FRMD3: variants seen among roughly 807,000 people sequenced by gnomAD.
The protein encoded by FRMD3 is FERM domain containing 3, also known as FERM domain-containing protein 3.
In FRMD3, 33 loss-of-function variants were observed where a neutral mutation model predicts 70.2. The ratio of observed to expected loss-of-function variants is 0.47; its 90% CI spans 0.36 to 0.63. The LOEUF (loss-of-function observed/expected upper bound fraction) is 0.63, where lower values mean the gene tolerates loss of function less well. Among genes scored for constraint, FRMD3 ranks in the 20% least tolerant of loss-of-function variants. The probability of loss-of-function intolerance (pLI) is 0.00; values close to 1 mark genes in which losing one functional copy is unlikely to be tolerated. For missense variants in FRMD3, 632 were observed against 711.4 expected, an observed-to-expected ratio of 0.89 and a Z score of 1.27; for synonymous variants, 279 against 255.9, an observed-to-expected ratio of 1.09 and a Z score of -0.86.
intron 5 of FRMD3, among the ~76,000 whole-genome samples, chr9:83,336,736 T>C: frequency 6.9e-6 from 1 of 145,116 alleles, no homozygotes; most frequent in South Asian, 2.3e-4. Flanking sequence ...CCTTAAAAAC[T>C]GAGTTCCCAG....
chr9:83,366,452 A>T (rs1435754943), intron 3 of FRMD3, among the ~76,000 whole-genome samples: 4 of 152,136 alleles, frequency 2.6e-5, no homozygotes, highest in Non-Finnish European at 5.9e-5. Context: ...AGGTGCCTGT[A>T]ATCCCAGCTA....
chr9:83,301,994 A>C (rs1019825285), intron 10 of FRMD3, among the ~76,000 whole-genome samples: 8 of 152,214 alleles, frequency 5.3e-5, no homozygotes, highest in Admixed American at 3.3e-4. Flanking sequence ...CCAAATGTCC[A>C]GGTGAACTCC....
At chr9:83,311,359 C>T (rs1207378300) in intron 8 of FRMD3, among the ~76,000 whole-genome samples, 1 of 151,960 alleles carries the variant, frequency 6.6e-6, no homozygotes, top group Non-Finnish European at 1.5e-5. Flanking sequence ...AGTTAACAGA[C>T]CAGGGAACTG....
intron 6 of FRMD3, among the ~76,000 whole-genome samples, chr9:83,332,970 C>G (rs1823440575): frequency 6.6e-6 from 1 of 152,168 alleles, no homozygotes. Context: ...AGGCCCAATT[C>G]CTTACACAAG....
At chr9:83,276,721 C>A (rs1198335745) in intron 13 of FRMD3, among the ~76,000 whole-genome samples, 1 of 152,208 alleles carries the variant, frequency 6.6e-6, no homozygotes, top group Admixed American at 6.5e-5. Flanking sequence ...TATATGTATA[C>A]ATACTGAGAC....
chr9:83,488,729 A>G (rs936308445), intron 1 of FRMD3, among the ~76,000 whole-genome samples: 17 of 152,132 alleles, frequency 1.1e-4, no homozygotes, highest in Admixed American at 7.9e-4. Flanking sequence ...TCATTGACAA[A>G]TCTCCTTCCA....
At chr9:83,367,638 T>C (rs571894980) in intron 3 of FRMD3, among the ~76,000 whole-genome samples, 115 of 152,296 alleles carry the variant, frequency 7.6e-4, no homozygotes, top group African/African-American at 2.7e-3. Context: ...TAATTAAGGC[T>C]TGAGGAATAG....
At chr9:83,338,389 C>A (rs76421780) in intron 5 of FRMD3, among the ~76,000 whole-genome samples, 1 of 151,996 alleles carries the variant, frequency 6.6e-6, no homozygotes, top group Non-Finnish European at 1.5e-5. Flanking sequence ...CCTAGAAAAA[C>A]TCTAGGTGCA....
chr9:83,351,095 T>C (rs1824139598), intron 3 of FRMD3: 2 of 454,168 alleles, frequency 4.4e-6, no homozygotes, highest in East Asian at 3.1e-4. Context: ...CAAATTCATC[T>C]TTCAAGATAC....
chr9:83,460,331 A>C (rs545336538), intron 1 of FRMD3, among the ~76,000 whole-genome samples: 38 of 152,296 alleles, frequency 2.5e-4, no homozygotes, highest in African/African-American at 7.7e-4. Flanking sequence ...GTTCTCTGCC[A>C]ATCTAATACT....
At chr9:83,361,608 C>T (rs1824587154) in intron 3 of FRMD3, among the ~76,000 whole-genome samples, 1 of 152,096 alleles carries the variant, frequency 6.6e-6, no homozygotes. Flanking sequence ...GCTGAGAGTA[C>T]TGGAGATCTA....
intron 5 of FRMD3, among the ~76,000 whole-genome samples, chr9:83,339,402 C>A (rs1255448171): frequency 6.6e-6 from 1 of 152,162 alleles, no homozygotes; most frequent in Non-Finnish European, 1.5e-5. Context: ...GAAGTCGTGA[C>A]AAATGACATA....
rs1025435778 is a variant in FRMD3 at position 83,378,920 on chromosome 9, G to A, written c.253-5965C>T. Among the ~76,000 whole-genome samples, 11 of 123,802 alleles carry A rather than the reference G, an allele frequency of 8.9e-5. No individual in the cohort carries two copies. In the East Asian group the frequency reaches 2.3e-3, roughly 26 times the overall value. The allele number at this position is 123,802 out of a possible 152,430, so 81.2% of individuals were successfully genotyped here. Reference sequence around the variant, plus strand: ...ATATATATATTTTAGTACAGATGGGGTTTCACTATGTAGGCCAGGCTGGTC... The same window carrying A: ...ATATATATATTTTAGTACAGATGGGATTTCACTATGTAGGCCAGGCTGGTC... On this transcript the variant is annotated intron_variant, in intron 2 of 13. Transcript: ENST00000304195.
At chr9:83,250,432 T>C (rs1015316819) in intron 13 of FRMD3, among the ~76,000 whole-genome samples, 1 of 152,134 alleles carries the variant, frequency 6.6e-6, no homozygotes, top group African/African-American at 2.4e-5. Flanking sequence ...CCAGGATCCC[T>C]GGCAAGGCAG....
chr9:83,400,918 T>C (rs748275732), intron 1 of FRMD3, among the ~76,000 whole-genome samples: 1 of 152,216 alleles, frequency 6.6e-6, no homozygotes, highest in Non-Finnish European at 1.5e-5. Flanking sequence ...TTTTTCTTAG[T>C]ATAGTCTGTG....
At chr9:83,301,879 CTG>C (rs1834942485) in intron 10 of FRMD3, among the ~76,000 whole-genome samples, 2 of 152,258 alleles carry the variant, frequency 1.3e-5, no homozygotes, top group Non-Finnish European at 2.9e-5. Context: ...AGAGAAAAGA[CTG>C]TGCGTCTTTC....
intron 6 of FRMD3, among the ~76,000 whole-genome samples, chr9:83,327,481 C>T (rs948483378): frequency 1.3e-5 from 2 of 152,148 alleles, no homozygotes; most frequent in Admixed American, 1.3e-4. Context: ...ATCCCTGGCT[C>T]TCTGGACTTT....
chr9:83,419,601 CGT>C (rs764800091), intron 1 of FRMD3, among the ~76,000 whole-genome samples: 1 of 146,570 alleles, frequency 6.8e-6, no homozygotes, highest in Non-Finnish European at 1.5e-5. Context: ...ATGTGTGCTG[CGT>C]GTGTGATATG....
chr9:83,248,183 C>G lies in FRMD3; in HGVS notation c.1529G>C (p.Trp510Ser). 6.2e-7 allele frequency: 1 copy of G among 1,614,198 alleles called. No homozygotes were observed. The highest frequency in any genetic ancestry group is 8.5e-7 in the Non-Finnish European group (1 of 1,180,036). ...ELKEARRALS[W>S]SYDILTGHIR... The stretch of plus-strand genomic sequence containing the variant: ...ATGGCCAGTCAGAATGTCATAGCTC[C>G]ACGACAAAGCACGGCGAGCCTCCTT... Residue 510 changes from tryptophan (W) to serine (S), a missense_variant, in exon 14 of 14, where the codon TGG (tryptophan) becomes TCG (serine). Coordinates refer to ENST00000304195, the MANE Select transcript of FRMD3 (RefSeq NM_174938.6).
Sources: gnomAD v4.1 joint callset for allele counts (sites outside exome capture counted in the v4.1 genomes callset) on GRCh38, gnomAD v4.1.1 for gene constraint, MANE v1.5 for transcripts, NCBI Gene and HGNC (gene_info 2026-07-23, HGNC 2026-07-21) for gene names.